Variants in ATIC observed in about 807,000 individuals in gnomAD.
ATIC encodes the protein bifunctional purine biosynthesis protein ATIC.
ATIC carries 64 observed loss-of-function variants against 72.5 expected under a neutral mutation model. That is an observed-to-expected ratio of 0.88 (90% CI 0.72 to 1.09). The LOEUF (loss-of-function observed/expected upper bound fraction) is 1.09, where lower values mean the gene tolerates loss of function less well. Ranked by LOEUF, ATIC falls within the 50% of genes least tolerant of loss-of-function variation. ATIC has a pLI of 0.00. For missense variants in ATIC, 787 were observed against 732.4 expected (o/e 1.07, Z -0.86); for synonymous variants, 281 against 267.1 (o/e 1.05, Z -0.51).
intron 7 of ATIC, among the ~76,000 whole-genome samples, chr2:215,328,718 C>G (rs924111615): frequency 2.2e-5 from 3 of 137,668 alleles, no homozygotes; most frequent in African/African-American, 8.1e-5. Flanking sequence ...TGGCAGCTTC[C>G]TTTTTTTTTT....
chr2:215,319,499 C>T (rs10191233), intron 3 of ATIC, among the ~76,000 whole-genome samples, 166 bp from the exon 4 acceptor site: 32,176 of 151,904 alleles, frequency 0.21, 4,313 homozygotes, highest in Non-Finnish European at 0.3. Flanking sequence ...GTTGTGATTA[C>T]GCCACTACAA....
intron 2 of ATIC, among the ~76,000 whole-genome samples, chr2:215,314,993 A>C (rs934308524): frequency 6.6e-6 from 1 of 152,238 alleles, no homozygotes; most frequent in Non-Finnish European, 1.5e-5. Flanking sequence ...GTTTAGGTTC[A>C]ACAAAGAATG....
At chr2:215,318,040 A>G (rs1427396550) in intron 2 of ATIC, 117 bp from the exon 3 acceptor site, 2 of 911,016 alleles carry the variant, frequency 2.2e-6, no homozygotes, top group Non-Finnish European at 3.6e-6. Context: ...AAAAATCAGA[A>G]TTTTCACGTT....
chr2:215,334,041 C>CA lies in ATIC; in HGVS notation c.922+596dup, dbSNP rs34643540. 6.1e-4 allele frequency among the ~76,000 whole-genome samples: 81 copies of CA among 131,990 alleles called. 1 individual carries two copies. The highest frequency in any genetic ancestry group is 9.8e-4 in the Admixed American group (13 of 13,198). The allele number at this position is 131,990 out of a possible 152,430, so 86.6% of individuals were successfully genotyped here. On this transcript the variant is annotated intron_variant, in intron 9 of 15. Transcript: ENST00000236959. ...TGGGTGACAGAGCGATACTCCGTCT[C>CA]AAAAAAAAAAAAGTATTTGTTAGTA...
chr2:215,317,516 T>C (rs867226117), intron 2 of ATIC, among the ~76,000 whole-genome samples: 26 of 152,070 alleles, frequency 1.7e-4, no homozygotes, highest in African/African-American at 5.3e-4. Flanking sequence ...GATGGAGTCT[T>C]GCTCTGTCGC....
the ATIC span, among the ~76,000 whole-genome samples, chr2:215,363,838 A>T: frequency 1.3e-5 from 2 of 152,218 alleles, no homozygotes; most frequent in African/African-American, 4.8e-5. Context: ...TATACTGGGC[A>T]TATTTTAGAA....
intron 6 of ATIC, 61 bp downstream of exon 6, chr2:215,326,199 A>C: frequency 6.2e-7 from 1 of 1,602,142 alleles, no homozygotes. Context: ...TTGCCAGACC[A>C]AGCAGTATTC....
At chr2:215,361,639 A>T in the ATIC span, 1 of 1,600,412 alleles carries the variant, frequency 6.2e-7, no homozygotes, top group Non-Finnish European at 8.6e-7. Flanking sequence ...GTTAAAAAGG[A>T]AGAAGGAAAA....
chr2:215,368,431 C>G, the ATIC span, among the ~76,000 whole-genome samples: 2 of 152,264 alleles, frequency 1.3e-5, no homozygotes, highest in African/African-American at 2.4e-5. Context: ...CCTTGCTTCC[C>G]TCATCTGCAA....
chr2:215,361,861 G>GTTT, the ATIC span: 11 of 1,132,594 alleles, frequency 9.7e-6, no homozygotes, highest in African/African-American at 1.6e-4. Flanking sequence ...TTTATGAGTT[G>GTTT]TTTTTTTTTT....
chr2:215,335,402 A>G (rs1017859469), intron 10 of ATIC, among the ~76,000 whole-genome samples: 8 of 152,206 alleles, frequency 5.3e-5, no homozygotes, highest in Non-Finnish European at 8.8e-5. Flanking sequence ...AATACCAAAC[A>G]GGTATTCCAG....
At chr2:215,325,148 A>G (rs1477235328) in intron 4 of ATIC, 93 bp from the exon 5 acceptor site, 2 of 885,964 alleles carry the variant, frequency 2.3e-6, no homozygotes, top group Non-Finnish European at 3.8e-6. Flanking sequence ...GCTTTTGTTT[A>G]CGTTAATAGT....
chr2:215,357,217 T>C, the ATIC span, among the ~76,000 whole-genome samples: 257 of 152,374 alleles, frequency 1.7e-3, 2 homozygotes, highest in African/African-American at 6.0e-3. Flanking sequence ...TGCTTCATTC[T>C]AGAATGAAAT....
At chr2:215,333,304 G>A (rs1311596951) in intron 8 of ATIC, 46 bp from the exon 9 acceptor site, 5 of 1,541,310 alleles carry the variant, frequency 3.2e-6, no homozygotes, top group South Asian at 1.1e-5. Context: ...TTGACAGGTA[G>A]TAACTTTAGC....
the ATIC span, chr2:215,365,684 C>T: frequency 6.3e-7 from 1 of 1,586,770 alleles, no homozygotes. Context: ...TTCTGACTCA[C>T]AAGACAGTAG....
chr2:215,347,027 C>G, intron 14 of ATIC, 86 bp downstream of exon 14: 2 of 1,464,142 alleles, frequency 1.4e-6, no homozygotes, highest in South Asian at 2.4e-5. Context: ...CATCACCACA[C>G]AGAGAAAAAG....
chr2:215,335,663 C>T lies in ATIC; in HGVS notation c.1009-372C>T, dbSNP rs534441025. ...AATCTGGTCTTGCTGTTAAGGAAAA[C>T]GCCTTGCCGGAAGAGGTCATTTAAC... On this transcript the variant is annotated intron_variant, in intron 10 of 15. Coordinates refer to ENST00000236959, the MANE Select transcript of ATIC (RefSeq NM_004044.7). Among the ~76,000 whole-genome samples, 6 of 152,246 alleles carry T rather than the reference C, an allele frequency of 3.9e-5. No homozygotes were observed. The South Asian group carries it at 1.0e-3, about 26-fold the overall frequency.
chr2:215,312,455 G>A (rs1575110870), intron 1 of ATIC, 43 bp from the exon 2 acceptor site: 2 of 1,614,114 alleles, frequency 1.2e-6, no homozygotes. Flanking sequence ...AGAACACAGT[G>A]CAATGTGCTG....
At chr2:215,349,860 C>G, downstream of ATIC, 1 of 898,834 alleles carries the variant, frequency 1.1e-6, no homozygotes, top group Non-Finnish European at 1.7e-6. Context: ...TCCAGAGCAC[C>G]CCTGCCTACC....
Sources: gnomAD v4.1 joint callset for allele counts (sites outside exome capture counted in the v4.1 genomes callset) on GRCh38, gnomAD v4.1.1 for gene constraint, MANE v1.5 for transcripts, NCBI Gene and HGNC (gene_info 2026-07-23, HGNC 2026-07-21) for gene names.